The following RBFOX1 variants were observed in gnomAD, a reference collection of about 807,000 sequenced individuals.
RBFOX1 encodes the protein RNA binding protein fox-1 homolog 1.
RBFOX1 carries 8 observed loss-of-function variants against 57.7 expected under a neutral mutation model. The observed-to-expected ratio is 0.14, with a 90% CI of 0.08 to 0.25. RBFOX1 has a LOEUF of 0.25. Ranked by LOEUF, RBFOX1 falls within the 10% of genes least tolerant of loss-of-function variation. The pLI, the probability that RBFOX1 is intolerant of heterozygous loss-of-function variation, is 1.00. For synonymous variants in RBFOX1, 326 were observed against 222.4 expected (o/e 1.47, Z -4.15); for missense variants, 611 against 548.5 (o/e 1.11, Z -1.14).
chr16:6,895,440 GTGTGTGTGTA>G (rs1454744904), intron 3 of RBFOX1, among the ~76,000 whole-genome samples: 91 of 87,490 alleles, frequency 1.0e-3, no homozygotes, highest in Non-Finnish European at 1.4e-3. Flanking sequence ...GTGTGTGTGT[GTGTGTGTGTA>G]TATATATATA....
intron 3 of RBFOX1, among the ~76,000 whole-genome samples, chr16:5,843,992 C>G (rs1343040526): frequency 1.3e-5 from 2 of 152,118 alleles, no homozygotes; most frequent in Non-Finnish European, 2.9e-5. Flanking sequence ...GAAAGAGTGA[C>G]ATTATTTGGG....
At chr16:7,299,448 G>T (rs2095977922) in intron 4 of RBFOX1, among the ~76,000 whole-genome samples, 1 of 152,208 alleles carries the variant, frequency 6.6e-6, no homozygotes, top group Non-Finnish European at 1.5e-5. Context: ...AGCTAGAGGA[G>T]TTTGAGGGTC....
intron 2 of RBFOX1, among the ~76,000 whole-genome samples, chr16:6,366,411 C>T (rs1600164449): frequency 6.6e-6 from 1 of 152,080 alleles, no homozygotes; most frequent in Non-Finnish European, 1.5e-5. Flanking sequence ...ATACTACAGA[C>T]ATCATGTCCC....
intron 4 of RBFOX1, among the ~76,000 whole-genome samples, chr16:7,258,496 G>T (rs529781426): frequency 6.6e-6 from 1 of 151,954 alleles, no homozygotes; most frequent in Non-Finnish European, 1.5e-5. Flanking sequence ...GGGGGGAGGC[G>T]AATTACTGCA....
chr16:5,544,098 A>G (rs777056565), intron 2 of RBFOX1, among the ~76,000 whole-genome samples: 2 of 152,126 alleles, frequency 1.3e-5, no homozygotes, highest in Admixed American at 6.5e-5. Context: ...CCACCACCCA[A>G]CAACAGGATA....
chr16:7,094,562 C>G (rs1267811755), intron 4 of RBFOX1, among the ~76,000 whole-genome samples: 1 of 151,748 alleles, frequency 6.6e-6, no homozygotes, highest in African/African-American at 2.4e-5. Flanking sequence ...GTCAGACTGT[C>G]AAATCCTGTG....
intron 3 of RBFOX1, among the ~76,000 whole-genome samples, chr16:5,808,694 G>A (rs1443506603): frequency 1.3e-5 from 2 of 152,154 alleles, no homozygotes; most frequent in East Asian, 1.9e-4. Flanking sequence ...GTGAATGGGA[G>A]TTCACTCATG....
intron 3 of RBFOX1, among the ~76,000 whole-genome samples, chr16:5,840,016 C>A (rs538836424): frequency 1.3e-5 from 2 of 152,288 alleles, no homozygotes; most frequent in East Asian, 3.9e-4. Context: ...GTGCCAGAGG[C>A]TGTGCTAGAC....
chr16:6,047,495 A>G (rs1426693780), intron 1 of RBFOX1, among the ~76,000 whole-genome samples: 1 of 152,232 alleles, frequency 6.6e-6, no homozygotes, highest in Non-Finnish European at 1.5e-5. Flanking sequence ...AGAAAACTCC[A>G]GGATTTTGGG....
At chr16:7,537,598 A>G (rs1282875069) in intron 5 of RBFOX1, among the ~76,000 whole-genome samples, 3 of 152,226 alleles carry the variant, frequency 2.0e-5, no homozygotes, top group East Asian at 3.9e-4. Context: ...GGGTGAAGAC[A>G]TCGTAAAAAG....
At position 7,712,561 on chromosome 16, in the gene RBFOX1, G is replaced by C. The variant is rs559808600; in HGVS notation, c.*1816G>C. On this transcript the variant is annotated 3_prime_UTR_variant, in exon 16 of 16. Coordinates refer to ENST00000550418, the MANE Select transcript of RBFOX1 (RefSeq NM_018723.4). Reference sequence around the variant, plus strand: ...ATAGTGATCTTGAAAAGAGAAAAGGGGGAGGGGGGAGCTACTTATCAGCCA... The same window carrying C: ...ATAGTGATCTTGAAAAGAGAAAAGGCGGAGGGGGGAGCTACTTATCAGCCA... 1 of 152,684 alleles carries C rather than the reference G, an allele frequency of 6.5e-6. No homozygotes were observed. Among genetic ancestry groups the C allele is most frequent in the Admixed American group, 6.5e-5 (1 of 15,292 alleles). The allele number at this position is 152,684 out of a possible 1,614,324, so 9.5% of individuals were successfully genotyped here.
chr16:6,668,611 A>G (rs1286016988), intron 3 of RBFOX1, among the ~76,000 whole-genome samples: 1 of 152,176 alleles, frequency 6.6e-6, no homozygotes, highest in Non-Finnish European at 1.5e-5. Context: ...TGTTGATTAC[A>G]TTATGGTAGC....
chr16:5,412,939 G>A (rs552699694), intron 1 of RBFOX1, among the ~76,000 whole-genome samples: 10 of 152,322 alleles, frequency 6.6e-5, no homozygotes, highest in African/African-American at 9.6e-5. Context: ...TGAGCGTTAC[G>A]GTTGAAACAA....
At chr16:7,550,965 G>A (rs1008737890) in intron 5 of RBFOX1, among the ~76,000 whole-genome samples, 2 of 151,568 alleles carry the variant, frequency 1.3e-5, no homozygotes, top group African/African-American at 4.8e-5. Context: ...ATGGTGGCGG[G>A]TACCTGTAAT....
chr16:6,071,109 G>C (rs1441703201), intron 1 of RBFOX1, among the ~76,000 whole-genome samples: 1 of 152,164 alleles, frequency 6.6e-6, no homozygotes, highest in Non-Finnish European at 1.5e-5. Context: ...GATTGCCTGA[G>C]CACAGGAGTT....
chr16:6,003,281 CAA>C (rs59758084), intron 4 of RBFOX1, among the ~76,000 whole-genome samples: 49 of 77,536 alleles, frequency 6.3e-4, no homozygotes, highest in African/African-American at 1.1e-3. Flanking sequence ...ACTCTGTCTC[CAA>C]AAAAAAAAAA....
intron 5 of RBFOX1, among the ~76,000 whole-genome samples, chr16:7,537,777 C>T (rs2081894546): frequency 6.6e-6 from 1 of 152,176 alleles, no homozygotes; most frequent in African/African-American, 2.4e-5. Flanking sequence ...ACCCCGCCTC[C>T]ACCCCAGTGC....
chr16:6,611,580 A>T (rs560569977), intron 2 of RBFOX1, among the ~76,000 whole-genome samples: 12 of 152,168 alleles, frequency 7.9e-5, no homozygotes, highest in African/African-American at 2.9e-4. Flanking sequence ...CACAGTGAGC[A>T]TGGTTTTTCC....
At chr16:7,279,580 C>G (rs2095503099) in intron 4 of RBFOX1, among the ~76,000 whole-genome samples, 1 of 152,090 alleles carries the variant, frequency 6.6e-6, no homozygotes, top group Non-Finnish European at 1.5e-5. Flanking sequence ...ATAGCCAGGG[C>G]CACGTTAGAC....
Sources: allele counts gnomAD v4.1 joint callset (sites outside exome capture counted in the v4.1 genomes callset), GRCh38; gene constraint gnomAD v4.1.1; transcripts MANE v1.5; gene names NCBI Gene and HGNC (gene_info 2026-07-23, HGNC 2026-07-21).